SYN3: variants seen among roughly 807,000 people sequenced by gnomAD.
SYN3 encodes synapsin III, also known as synapsin-3.
Under a neutral mutation model 65.8 loss-of-function variants are expected in SYN3, and 35 were observed. The observed-to-expected ratio is 0.53, with a 90% CI of 0.41 to 0.70. The LOEUF (loss-of-function observed/expected upper bound fraction) is 0.70, where lower values mean the gene tolerates loss of function less well. SYN3 is among the 30% of genes least tolerant of loss of function. The pLI is 0.00. For synonymous variants in SYN3, 270 were observed against 292.9 expected, an observed-to-expected ratio of 0.92 and a Z score of 0.80; for missense variants, 680 against 749.0, an observed-to-expected ratio of 0.91 and a Z score of 1.08.
intron 6 of SYN3, among the ~76,000 whole-genome samples, chr22:32,660,260 C>T (rs1440318934): frequency 6.6e-6 from 1 of 152,324 alleles, no homozygotes; most frequent in Non-Finnish European, 1.5e-5. Context: ...AGGAGGACTC[C>T]TTAAAAGGCG....
chr22:32,768,594 T>C (rs1015305441), intron 6 of SYN3, among the ~76,000 whole-genome samples: 2 of 152,190 alleles, frequency 1.3e-5, no homozygotes, highest in African/African-American at 2.4e-5. Flanking sequence ...TTCAAATATA[T>C]GTTCAAAACA....
chr22:33,017,452 C>G (rs190184062), intron 1 of SYN3, among the ~76,000 whole-genome samples: 64 of 152,302 alleles, frequency 4.2e-4, no homozygotes, highest in African/African-American at 1.5e-3. Flanking sequence ...TGCATTGAAT[C>G]TGCAGATCAT....
chr22:32,957,091 G>A (rs1300050355), intron 3 of SYN3, among the ~76,000 whole-genome samples: 6 of 152,156 alleles, frequency 3.9e-5, no homozygotes, highest in Non-Finnish European at 7.3e-5. Context: ...CTATGGCTTG[G>A]AGTGAGACTG....
At chr22:32,926,360 T>A (rs2050470002) in intron 4 of SYN3, among the ~76,000 whole-genome samples, 1 of 152,250 alleles carries the variant, frequency 6.6e-6, no homozygotes, top group Admixed American at 6.5e-5. Flanking sequence ...ATTCTCCTAA[T>A]CTCCAATAAT....
At chr22:32,658,906 T>C (rs946896871) in intron 6 of SYN3, among the ~76,000 whole-genome samples, 1 of 152,228 alleles carries the variant, frequency 6.6e-6, no homozygotes, top group Non-Finnish European at 1.5e-5. Context: ...ATTGCTAACA[T>C]ACATTGCGAG....
In SYN3 at chr22:33,006,748, G is replaced by A; in HGVS notation, c.-86C>T. On this transcript the variant is annotated 5_prime_UTR_variant, in exon 2 of 14. Transcript: ENST00000358763. Reference sequence around the variant, plus strand: ...GACAGGCTGCTGCCAGGTACAGGGAGTGGTAGGACTTTAGCCAGAAGAGCC... The same window carrying A: ...GACAGGCTGCTGCCAGGTACAGGGAATGGTAGGACTTTAGCCAGAAGAGCC... 1.4e-6 allele frequency: 2 copies of A among 1,393,604 alleles called. No individual in the cohort carries two copies. Among genetic ancestry groups the A allele is most frequent in the East Asian group, 2.3e-5 (1 of 43,248 alleles). 86.3% of individuals were successfully genotyped at this position (1,393,604 alleles called of 1,614,324 possible).
At chr22:32,672,333 A>C (rs2060382839) in intron 6 of SYN3, among the ~76,000 whole-genome samples, 1 of 152,248 alleles carries the variant, frequency 6.6e-6, no homozygotes, top group Non-Finnish European at 1.5e-5. Flanking sequence ...AAAAAATAAA[A>C]TAAAATAAAC....
intron 1 of SYN3, among the ~76,000 whole-genome samples, chr22:33,053,689 C>A (rs1179130455): frequency 1.3e-5 from 2 of 152,158 alleles, no homozygotes; most frequent in Admixed American, 6.5e-5. Context: ...GTTACAAATT[C>A]AGCTTAAACA....
chr22:32,609,344 TA>T (rs1437103016), intron 6 of SYN3, among the ~76,000 whole-genome samples: 4 of 151,840 alleles, frequency 2.6e-5, no homozygotes, highest in Non-Finnish European at 4.4e-5. Flanking sequence ...AATAAATAAA[TA>T]AAATAAAATA....
chr22:33,048,722 C>G lies in SYN3; in HGVS notation c.-163+9570G>C, dbSNP rs573899576. On this transcript the variant is annotated intron_variant, in intron 1 of 13. Transcript: ENST00000358763. Reference sequence around the variant, plus strand: ...GCCATGCTTGTACAGCCTGCAGAACCTTGAGCCAAATAAACCTCTTTTCTT... The same window carrying G: ...GCCATGCTTGTACAGCCTGCAGAACGTTGAGCCAAATAAACCTCTTTTCTT... Among the ~76,000 whole-genome samples, 91 of 152,296 alleles carry G rather than the reference C, an allele frequency of 6.0e-4. 1 individual carries two copies. In the Middle Eastern group the frequency reaches 0.014, roughly 23 times the overall value.
intron 2 of SYN3, among the ~76,000 whole-genome samples, chr22:32,991,284 G>A (rs2052706161): frequency 6.6e-6 from 1 of 151,280 alleles, no homozygotes; most frequent in African/African-American, 2.4e-5. Flanking sequence ...GTTGCAGTGA[G>A]CCAAGCTTGC....
intron 6 of SYN3, among the ~76,000 whole-genome samples, chr22:32,684,847 G>A (rs867810377): frequency 2.5e-4 from 38 of 152,236 alleles, no homozygotes; most frequent in African/African-American, 9.1e-4. Flanking sequence ...AAAGTTACTT[G>A]GTTTCTCTGA....
intron 7 of SYN3, among the ~76,000 whole-genome samples, chr22:32,577,602 C>G (rs1601677532): frequency 6.6e-6 from 1 of 152,222 alleles, no homozygotes; most frequent in Non-Finnish European, 1.5e-5. Flanking sequence ...GCTTATATTT[C>G]TGCTTTAGAG....
intron 4 of SYN3, among the ~76,000 whole-genome samples, chr22:32,907,651 A>C (rs1383314470): frequency 6.6e-6 from 1 of 152,172 alleles, no homozygotes; most frequent in African/African-American, 2.4e-5. Context: ...TTAACAAGCT[A>C]TGGCCCATGG....
At chr22:32,869,222 G>A (rs1353732476) in intron 4 of SYN3, 97 bp from the exon 5 acceptor site, 1 of 1,395,222 alleles carries the variant, frequency 7.2e-7, no homozygotes, top group Non-Finnish European at 9.9e-7. Flanking sequence ...CTGACTTGCA[G>A]GGCGGCAGCT....
At chr22:32,742,803 T>A (rs770769969) in intron 6 of SYN3, among the ~76,000 whole-genome samples, 1 of 152,200 alleles carries the variant, frequency 6.6e-6, no homozygotes, top group Non-Finnish European at 1.5e-5. Context: ...TTGTGCATAG[T>A]ATGCTTTAAA....
intron 7 of SYN3, among the ~76,000 whole-genome samples, chr22:32,578,189 T>C (rs2058881112): frequency 8.9e-6 from 1 of 111,738 alleles, no homozygotes; most frequent in Non-Finnish European, 2.0e-5. Flanking sequence ...TCTTTCTCTT[T>C]CTTTCTTTCT....
At chr22:32,802,268 C>A in intron 6 of SYN3, 1 of 1,271,680 alleles carries the variant, frequency 7.9e-7, no homozygotes, top group Non-Finnish European at 1.1e-6. Context: ...ACTCGATGTC[C>A]TTGGGCGGGG....
intron 6 of SYN3, among the ~76,000 whole-genome samples, chr22:32,637,109 A>C (rs1276645947): frequency 1.3e-5 from 2 of 152,182 alleles, no homozygotes; most frequent in Non-Finnish European, 2.9e-5. Context: ...TCTGTTCTAC[A>C]CAGGGAGTCC....
Sources: gnomAD v4.1 joint callset for allele counts (sites outside exome capture counted in the v4.1 genomes callset) on GRCh38, gnomAD v4.1.1 for gene constraint, MANE v1.5 for transcripts, NCBI Gene and HGNC (gene_info 2026-07-23, HGNC 2026-07-21) for gene names.